Variants in FSTL4 observed in about 807,000 individuals in gnomAD.
FSTL4 encodes follistatin-related protein 4.
In FSTL4, 28 loss-of-function variants were observed where a neutral mutation model predicts 78.2. The ratio of observed to expected loss-of-function variants is 0.36; its 90% confidence interval spans 0.27 to 0.49. FSTL4 has a LOEUF of 0.49. FSTL4 is among the 20% of genes least tolerant of loss of function. FSTL4 has a pLI of 0.98. For synonymous variants in FSTL4, 422 were observed against 440.5 expected, an observed-to-expected ratio of 0.96 and a Z score of 0.53; for missense variants, 922 against 1,084.9, an observed-to-expected ratio of 0.85 and a Z score of 2.11.
At chr5:133,811,570 A>G in the FSTL4 span, among the ~76,000 whole-genome samples, 1 of 152,230 alleles carries the variant, frequency 6.6e-6, no homozygotes, top group Non-Finnish European at 1.5e-5. Flanking sequence ...AATCAGCAAA[A>G]GGCCAAAAAC....
At chr5:133,792,267 A>G in the FSTL4 span, among the ~76,000 whole-genome samples, 2 of 151,884 alleles carry the variant, frequency 1.3e-5, no homozygotes, top group African/African-American at 4.8e-5. Context: ...CTCCCAGCCC[A>G]TGAAAAATAC....
At chr5:133,643,963 G>A in the FSTL4 span, among the ~76,000 whole-genome samples, 1 of 152,166 alleles carries the variant, frequency 6.6e-6, no homozygotes, top group African/African-American at 2.4e-5. Flanking sequence ...TTTGAGGGAG[G>A]CCATTTACAC....
intron 3 of FSTL4, among the ~76,000 whole-genome samples, chr5:133,498,404 C>T (rs772981189): frequency 6.6e-6 from 1 of 152,156 alleles, no homozygotes. Flanking sequence ...TACGTCTATA[C>T]ATTTAAAGTT....
At chr5:133,237,422 G>A (rs1751694283) in intron 7 of FSTL4, among the ~76,000 whole-genome samples, 1 of 152,140 alleles carries the variant, frequency 6.6e-6, no homozygotes, top group Non-Finnish European at 1.5e-5. Flanking sequence ...CTGCTCCCCA[G>A]GAGCAGAGAC....
At chr5:133,305,114 C>G (rs1254968099) in intron 6 of FSTL4, among the ~76,000 whole-genome samples, 1 of 152,246 alleles carries the variant, frequency 6.6e-6, no homozygotes, top group African/African-American at 2.4e-5. Flanking sequence ...AATAACAGCT[C>G]TGGTTGCATG....
chr5:133,596,764 G>T (rs1366128245), intron 2 of FSTL4, among the ~76,000 whole-genome samples: 1 of 152,192 alleles, frequency 6.6e-6, no homozygotes, highest in Admixed American at 6.5e-5. Context: ...CCCTGTGCAA[G>T]ATCAAACTGA....
intron 6 of FSTL4, among the ~76,000 whole-genome samples, chr5:133,253,649 C>T (rs1752315885): frequency 6.6e-6 from 1 of 152,206 alleles, no homozygotes. Context: ...TGAGGACTCC[C>T]CTGCCCCATC....
chr5:133,646,545 G>A, the FSTL4 span, among the ~76,000 whole-genome samples: 1 of 152,154 alleles, frequency 6.6e-6, no homozygotes, highest in African/African-American at 2.4e-5. Flanking sequence ...CTGGTTGGAG[G>A]GAAATTGAGA....
chr5:133,369,040 C>T (rs955373807), intron 4 of FSTL4, among the ~76,000 whole-genome samples: 2 of 152,162 alleles, frequency 1.3e-5, no homozygotes, highest in African/African-American at 4.8e-5. Flanking sequence ...TGTAGGTACC[C>T]ATCCCAATAG....
chr5:133,767,737 G>A, the FSTL4 span, among the ~76,000 whole-genome samples: 3 of 152,222 alleles, frequency 2.0e-5, no homozygotes, highest in Non-Finnish European at 4.4e-5. Flanking sequence ...TGTACAGAGT[G>A]ATGCCTGGAT....
the FSTL4 span, among the ~76,000 whole-genome samples, chr5:133,810,459 T>C: frequency 6.6e-6 from 1 of 152,238 alleles, no homozygotes; most frequent in African/African-American, 2.4e-5. Context: ...TGTGGTAATA[T>C]CCAAGGTCCA....
chr5:133,725,807 C>T, the FSTL4 span, among the ~76,000 whole-genome samples: 12 of 152,270 alleles, frequency 7.9e-5, no homozygotes, highest in African/African-American at 2.9e-4. Flanking sequence ...ATGAAAAGAG[C>T]AGTTTACCTT....
intron 4 of FSTL4, among the ~76,000 whole-genome samples, chr5:133,347,098 T>C (rs972750216): frequency 4.6e-5 from 7 of 152,226 alleles, no homozygotes; most frequent in Non-Finnish European, 1.0e-4. Context: ...TTCTTCCCTT[T>C]TGTGCTCTTG....
intron 4 of FSTL4, among the ~76,000 whole-genome samples, chr5:133,395,445 G>A (rs1756000327): frequency 6.6e-6 from 1 of 152,206 alleles, no homozygotes; most frequent in African/African-American, 2.4e-5. Flanking sequence ...CCAAACATCA[G>A]AAGGAACAAA....
chr5:133,771,757 G>T, the FSTL4 span, among the ~76,000 whole-genome samples: 2 of 151,988 alleles, frequency 1.3e-5, no homozygotes, highest in Middle Eastern at 3.4e-3. Context: ...CTCTGGTGAG[G>T]ACTTCCTAAA....
In FSTL4 at chr5:133,375,358, T is replaced by C. The variant is rs112451197; in HGVS notation, c.409+25380A>G. On this transcript the variant is annotated intron_variant, in intron 4 of 15. Coordinates refer to ENST00000265342, the MANE Select transcript of FSTL4 (RefSeq NM_015082.2). ...CCAAAATATTATCCCTGGTTCTCTC[T>C]GATGGTAAATCACTTTTATTTTTCT... 3.3e-3 allele frequency among the ~76,000 whole-genome samples: 434 copies of C among 131,546 alleles called. 5 individuals carry two copies. Among genetic ancestry groups the C allele is most frequent in the African/African-American group, 0.011 (409 of 37,676 alleles). The allele number at this position is 131,546 out of a possible 152,430, so 86.3% of individuals were successfully genotyped here. A position where few individuals can be genotyped will look rare whatever the true frequency, so the allele number is the denominator to read the frequency against.
At chr5:133,385,277 T>C (rs917220945) in intron 4 of FSTL4, among the ~76,000 whole-genome samples, 1 of 152,242 alleles carries the variant, frequency 6.6e-6, no homozygotes, top group Non-Finnish European at 1.5e-5. Context: ...CACAGATCTT[T>C]CTATGAAATC....
the FSTL4 span, among the ~76,000 whole-genome samples, chr5:133,838,664 C>G: frequency 1.3e-5 from 2 of 152,190 alleles, no homozygotes; most frequent in African/African-American, 4.8e-5. Context: ...ATGGAAGCTT[C>G]AGATTAGTTG....
chr5:133,660,968 A>C, the FSTL4 span, among the ~76,000 whole-genome samples: 69,441 of 151,986 alleles, frequency 0.46, 17,085 homozygotes, highest in African/African-American at 0.65. Context: ...GAGACAGCCA[A>C]CTGTGTTCAA....
Sources: gnomAD v4.1 joint callset for allele counts (sites outside exome capture counted in the v4.1 genomes callset) on GRCh38, gnomAD v4.1.1 for gene constraint, MANE v1.5 for transcripts, NCBI Gene and HGNC (gene_info 2026-07-23, HGNC 2026-07-21) for gene names.